The following LPXN variants were observed in gnomAD, a reference collection of about 807,000 sequenced individuals.
LPXN encodes the protein leupaxin.
LPXN carries 28 observed loss-of-function variants against 45.6 expected under a neutral mutation model. That is an observed-to-expected ratio of 0.61 (90% CI 0.45 to 0.84). The LOEUF (loss-of-function observed/expected upper bound fraction) is 0.84, where lower values mean the gene tolerates loss of function less well. Among genes scored for constraint, LPXN ranks in the 40% least tolerant of loss-of-function variants. LPXN has a pLI of 0.00. For missense variants in LPXN, 459 were observed against 475.0 expected (o/e 0.97, Z 0.31); for synonymous variants, 166 against 169.9 (o/e 0.98, Z 0.18).
At chr11:58,538,795 T>C (rs1853629977) in intron 7 of LPXN, among the ~76,000 whole-genome samples, 1 of 152,044 alleles carries the variant, frequency 6.6e-6, no homozygotes, top group Non-Finnish European at 1.5e-5. Flanking sequence ...ATAAAAATAA[T>C]TTGTTCATTT....
chr11:58,527,737 A>C lies in LPXN; in HGVS notation c.892-14T>G. ...GGTGAAGCAGTCCTGGGGTAGAGAG[A>C]AGAGAGAGAAAAAGAATGCAAATGT... is the stretch of plus-strand genomic sequence containing the variant. On this transcript the variant is annotated splice_polypyrimidine_tract_variant and intron_variant, in intron 8 of 8. Transcript: ENST00000395074. 6.2e-7 allele frequency: 1 copy of C among 1,606,996 alleles called. No individual in the cohort carries two copies.
At chr11:58,571,259 G>A (rs1033155436) in intron 1 of LPXN, among the ~76,000 whole-genome samples, 2 of 152,006 alleles carry the variant, frequency 1.3e-5, no homozygotes, top group Non-Finnish European at 2.9e-5. Flanking sequence ...AGGATCACCT[G>A]AGCCTAGGTG....
chr11:58,556,034 A>C (rs1854192727), intron 3 of LPXN, among the ~76,000 whole-genome samples: 1 of 152,168 alleles, frequency 6.6e-6, no homozygotes, highest in South Asian at 2.1e-4. Flanking sequence ...ATACATAGAA[A>C]AATATGGAAC....
At chr11:58,567,953 A>G (rs758914083) in intron 2 of LPXN, among the ~76,000 whole-genome samples, 11 of 152,210 alleles carry the variant, frequency 7.2e-5, no homozygotes, top group Non-Finnish European at 1.3e-4. Flanking sequence ...ACTATACTCT[A>G]TGGCAAAATT....
intron 7 of LPXN, among the ~76,000 whole-genome samples, chr11:58,549,253 G>T (rs1472668958): frequency 6.6e-6 from 1 of 152,118 alleles, no homozygotes. Flanking sequence ...AATTAACCGG[G>T]TGTGGTGGCA....
chr11:58,545,649 G>A (rs1159397666), intron 7 of LPXN, among the ~76,000 whole-genome samples: 1 of 152,158 alleles, frequency 6.6e-6, no homozygotes, highest in Non-Finnish European at 1.5e-5. Context: ...CACTGTATCT[G>A]GGTCTATTGT....
chr11:58,539,458 A>G (rs1366729228), intron 7 of LPXN, among the ~76,000 whole-genome samples: 1 of 152,220 alleles, frequency 6.6e-6, no homozygotes, highest in Non-Finnish European at 1.5e-5. Flanking sequence ...GATTCCAAGT[A>G]TGTGGCAGAG....
At chr11:58,550,464 G>A (rs1409667533) in intron 5 of LPXN, among the ~76,000 whole-genome samples, 1 of 152,238 alleles carries the variant, frequency 6.6e-6, no homozygotes, top group East Asian at 1.9e-4. Flanking sequence ...AGTTGTAACT[G>A]TAGCCTTAGT....
chr11:58,563,172 A>G (rs533439583), intron 3 of LPXN, among the ~76,000 whole-genome samples: 48 of 152,192 alleles, frequency 3.2e-4, no homozygotes, highest in Admixed American at 2.8e-3. Flanking sequence ...TTTACTGAGG[A>G]CCTATTGTGT....
At chr11:58,557,988 G>C (rs1041875576) in intron 3 of LPXN, among the ~76,000 whole-genome samples, 1 of 151,922 alleles carries the variant, frequency 6.6e-6, no homozygotes, top group Admixed American at 6.6e-5. Context: ...ACATTTATGG[G>C]ATAGAACACT....
rs181728118 is a variant in LPXN, at chr11:58,545,606, A to G, written c.742+4180T>C. ...AGCTCCAGTGAACAAGCAAATTACT[A>G]CAGAGCACTTTGCTAGTGGATTCTG... On this transcript the variant is annotated intron_variant, in intron 7 of 8. Transcript: ENST00000395074. Among the ~76,000 whole-genome samples the G allele has an allele frequency of 3.1e-3, 478 of 152,338 alleles. 1 individual carries two copies. Among genetic ancestry groups the G allele is most frequent in the Non-Finnish European group, 4.0e-3 (270 of 68,016 alleles).
chr11:58,530,578 T>C (rs1157824293), intron 7 of LPXN, among the ~76,000 whole-genome samples: 1 of 152,110 alleles, frequency 6.6e-6, no homozygotes, highest in Non-Finnish European at 1.5e-5. Flanking sequence ...AAAACCCCCA[T>C]CTCCCTGGGA....
intron 7 of LPXN, among the ~76,000 whole-genome samples, chr11:58,532,288 C>T (rs576556214): frequency 1.1e-4 from 17 of 152,342 alleles, no homozygotes; most frequent in South Asian, 4.1e-4. Flanking sequence ...TGCTCCGAGG[C>T]GCCCAGTCCC....
At chr11:58,529,204 G>A (rs1004914219) in intron 7 of LPXN, among the ~76,000 whole-genome samples, 1 of 151,974 alleles carries the variant, frequency 6.6e-6, no homozygotes, top group Non-Finnish European at 1.5e-5. Context: ...ACTTACACAT[G>A]TCAAAAAATC....
At chr11:58,534,730 G>A (rs1182386040) in intron 7 of LPXN, among the ~76,000 whole-genome samples, 5 of 152,094 alleles carry the variant, frequency 3.3e-5, no homozygotes, top group East Asian at 1.9e-4. Context: ...AATGAATCCC[G>A]GAGGTGGTTT....
intron 3 of LPXN, among the ~76,000 whole-genome samples, chr11:58,563,425 T>C (rs1316889375): frequency 6.6e-6 from 1 of 152,260 alleles, no homozygotes. Flanking sequence ...GTGTGCACTA[T>C]TGACTGCAAT....
chr11:58,541,421 C>T (rs1308997340), intron 7 of LPXN, among the ~76,000 whole-genome samples: 1 of 152,132 alleles, frequency 6.6e-6, no homozygotes, highest in Non-Finnish European at 1.5e-5. Context: ...TTTATGCAGG[C>T]AAAAGACACA....
intron 7 of LPXN, among the ~76,000 whole-genome samples, chr11:58,540,695 A>ATAAGAAC (rs1055246168): frequency 6.6e-6 from 1 of 152,202 alleles, no homozygotes; most frequent in Non-Finnish European, 1.5e-5. Context: ...TTGTTGAGGT[A>ATAAGAAC]TAAGAACTTT....
At chr11:58,534,993 C>T (rs1162604437) in intron 7 of LPXN, among the ~76,000 whole-genome samples, 2 of 152,176 alleles carry the variant, frequency 1.3e-5, no homozygotes, top group Admixed American at 6.5e-5. Flanking sequence ...CCTGGATAGA[C>T]CAACAACAAG....
Sources: gnomAD v4.1 joint callset for allele counts (sites outside exome capture counted in the v4.1 genomes callset) on GRCh38, gnomAD v4.1.1 for gene constraint, MANE v1.5 for transcripts, NCBI Gene and HGNC (gene_info 2026-07-23, HGNC 2026-07-21) for gene names.